The following HCRTR2 variants were observed in gnomAD, a reference collection of about 807,000 sequenced individuals.
The protein encoded by HCRTR2 is hypocretin receptor 2, also known as orexin receptor type 2.
In HCRTR2, 22 loss-of-function variants were observed where a neutral mutation model predicts 49.0. The observed-to-expected ratio is 0.45, with a 90% confidence interval of 0.32 to 0.64. The LOEUF (loss-of-function observed/expected upper bound fraction) is 0.64. Among genes scored for constraint, HCRTR2 ranks in the 30% least tolerant of loss-of-function variants. HCRTR2 has a pLI of 0.04. For synonymous variants in HCRTR2, 236 were observed against 205.3 expected (o/e 1.15, Z -1.28); for missense variants, 491 against 559.4 (o/e 0.88, Z 1.23).
intron 4 of HCRTR2, among the ~76,000 whole-genome samples, chr6:55,264,216 G>A (rs1162855606): frequency 1.3e-5 from 2 of 151,944 alleles, no homozygotes; most frequent in Admixed American, 6.6e-5. Flanking sequence ...AAGTCTGAAA[G>A]GTTATATTTG....
chr6:55,145,403 T>TTG (rs1764566028), intron 1 of HCRTR2, among the ~76,000 whole-genome samples: 2 of 119,194 alleles, frequency 1.7e-5, no homozygotes, highest in South Asian at 6.6e-4. Context: ...GTTTTTTTTT[T>TTG]TGTTTTTTTG....
At chr6:55,234,880 A>C (rs1766185109) in intron 1 of HCRTR2, among the ~76,000 whole-genome samples, 1 of 152,132 alleles carries the variant, frequency 6.6e-6, no homozygotes, top group East Asian at 1.9e-4. Context: ...TATGTGTCAG[A>C]AGACGTACAT....
In HCRTR2 at chr6:55,135,536, A is replaced by G. The variant is rs1006899026; in HGVS notation, c.-378+28991A>G. Among the ~76,000 whole-genome samples the G allele has an allele frequency of 1.3e-5, 2 of 152,114 alleles. 1 individual carries two copies. Among genetic ancestry groups the G allele is most frequent in the South Asian group, 4.1e-4 (2 of 4,822 alleles). On this transcript the variant is annotated intron_variant, in intron 1 of 7. Coordinates refer to the HCRTR2 transcript ENST00000615358. ...AACTCCTCCATATTTTAGAGCAATC[A>G]GTTGCTTCAGTTTGTGTTAGTTGGA...
intron 1 of HCRTR2, among the ~76,000 whole-genome samples, chr6:55,112,967 T>C (rs915575865): frequency 6.6e-6 from 1 of 151,828 alleles, no homozygotes; most frequent in Admixed American, 6.6e-5. Context: ...AACCCAGAAA[T>C]AAAGCCAAAT....
chr6:55,178,653 C>A (rs1765081153), intron 1 of HCRTR2, among the ~76,000 whole-genome samples: 1 of 152,154 alleles, frequency 6.6e-6, no homozygotes, highest in Non-Finnish European at 1.5e-5. Context: ...CTCTTTATGG[C>A]CTCTGCCCCA....
At chr6:55,210,603 GTAAA>G (rs1341767518) in intron 1 of HCRTR2, among the ~76,000 whole-genome samples, 1 of 152,074 alleles carries the variant, frequency 6.6e-6, no homozygotes, top group African/African-American at 2.4e-5. Context: ...AATAAAATAA[GTAAA>G]TTAGAACAGG....
chr6:55,213,398 A>C (rs1331659830), intron 1 of HCRTR2, among the ~76,000 whole-genome samples: 1 of 152,194 alleles, frequency 6.6e-6, no homozygotes, highest in Non-Finnish European at 1.5e-5. Context: ...AAGGAGAATT[A>C]AAACTGAACT....
intron 1 of HCRTR2, among the ~76,000 whole-genome samples, chr6:55,202,769 G>A (rs1765533783): frequency 7.9e-5 from 12 of 152,040 alleles, no homozygotes; most frequent in Admixed American, 7.9e-4. Context: ...ATGAAGCCGG[G>A]GGAGGTTGGT....
At chr6:55,141,239 G>C (rs9382452) in intron 1 of HCRTR2, among the ~76,000 whole-genome samples, 57,825 of 151,482 alleles carry the variant, frequency 0.38, 12,186 homozygotes, top group East Asian at 0.85. Context: ...CTGCTACTCG[G>C]GAGGCTGAGG....
At chr6:55,203,624 G>A (rs1013137847) in intron 1 of HCRTR2, among the ~76,000 whole-genome samples, 55 of 152,092 alleles carry the variant, frequency 3.6e-4, no homozygotes, top group African/African-American at 1.3e-3. Flanking sequence ...ATTTACAAGT[G>A]GATGGTCACC....
intron 1 of HCRTR2, among the ~76,000 whole-genome samples, chr6:55,111,894 T>C (rs952937431): frequency 3.3e-5 from 5 of 151,878 alleles, no homozygotes; most frequent in African/African-American, 1.2e-4. Flanking sequence ...AAAATCCTCA[T>C]TGCAATTCTA....
chr6:55,274,273 T>G (rs1445794102), intron 4 of HCRTR2, among the ~76,000 whole-genome samples: 1 of 144,258 alleles, frequency 6.9e-6, no homozygotes. Flanking sequence ...ATATATATAC[T>G]TATACATATA....
At chr6:55,181,332 G>T (rs1384597365) in intron 1 of HCRTR2, among the ~76,000 whole-genome samples, 1 of 152,106 alleles carries the variant, frequency 6.6e-6, no homozygotes, top group Non-Finnish European at 1.5e-5. Flanking sequence ...TTCACAATGA[G>T]AAGTGATCTC....
intron 1 of HCRTR2, among the ~76,000 whole-genome samples, chr6:55,177,580 C>G (rs1765062701): frequency 6.6e-6 from 1 of 152,100 alleles, no homozygotes; most frequent in Admixed American, 6.6e-5. Flanking sequence ...AATCACTGAG[C>G]CTTCAGGTCC....
intron 3 of HCRTR2, among the ~76,000 whole-genome samples, chr6:55,259,963 C>T (rs1416601918): frequency 2.6e-5 from 4 of 152,092 alleles, no homozygotes; most frequent in Non-Finnish European, 2.9e-5. Flanking sequence ...TTATAATCTC[C>T]TTATTCAAAC....
chr6:55,165,398 A>G (rs1434427593), intron 1 of HCRTR2, among the ~76,000 whole-genome samples: 1 of 152,114 alleles, frequency 6.6e-6, no homozygotes, highest in South Asian at 2.1e-4. Flanking sequence ...AGTCCTTTCA[A>G]TAAAGGTGTT....
At chr6:55,115,225 C>T (rs1218448758) in intron 1 of HCRTR2, among the ~76,000 whole-genome samples, 1 of 151,616 alleles carries the variant, frequency 6.6e-6, no homozygotes, top group Non-Finnish European at 1.5e-5. Context: ...CTTATGAGTT[C>T]TCCAACCTAC....
At chr6:55,283,480 C>G (rs527387970), downstream of HCRTR2, among the ~76,000 whole-genome samples, 2 of 152,010 alleles carry the variant, frequency 1.3e-5, no homozygotes, top group Admixed American at 6.6e-5. Context: ...TGGATTCCAT[C>G]TGGGCCTGGG....
At chr6:55,186,206 T>G (rs1044481770) in intron 1 of HCRTR2, among the ~76,000 whole-genome samples, 2 of 152,200 alleles carry the variant, frequency 1.3e-5, no homozygotes, top group African/African-American at 2.4e-5. Context: ...GAATACAGAA[T>G]TTTTAGTTAG....
Sources: gnomAD v4.1 joint callset for allele counts (sites outside exome capture counted in the v4.1 genomes callset) on GRCh38, gnomAD v4.1.1 for gene constraint, MANE v1.5 for transcripts, NCBI Gene and HGNC (gene_info 2026-07-23, HGNC 2026-07-21) for gene names.